Variants in SOX5 observed in about 807,000 individuals in gnomAD.
SOX5 encodes the protein SRY-box transcription factor 5, also known as transcription factor SOX-5.
Under a neutral mutation model 92.0 loss-of-function variants are expected in SOX5, and 9 were observed. That is an observed-to-expected ratio of 0.10 (90% CI 0.06 to 0.17). The LOEUF is 0.17. Among genes scored for constraint, SOX5 ranks in the 10% least tolerant of loss-of-function variants. The pLI is 1.00. For missense variants in SOX5, 642 were observed against 944.5 expected, an observed-to-expected ratio of 0.68 and a Z score of 4.20; for synonymous variants, 344 against 336.3, an observed-to-expected ratio of 1.02 and a Z score of -0.25.
intron 4 of SOX5, among the ~76,000 whole-genome samples, chr12:24,040,822 G>A (rs1478344882): frequency 2.6e-5 from 4 of 152,042 alleles, no homozygotes; most frequent in African/African-American, 7.2e-5. Flanking sequence ...GCAGTGAGCC[G>A]AGATTGCACC....
rs74070938 is a variant in SOX5 at position 24,524,279 on chromosome 12, C to G, written c.-251+38050G>C. On this transcript the variant is annotated intron_variant, in intron 1 of 4. Transcript: ENST00000446891. ...CTCAGGGTCTTCAGCTCAGAGATAG[C>G]CTGTCATGGGACTTCTCATCCTCCA... Among the ~76,000 whole-genome samples the G allele has an allele frequency of 7.4e-3, 1,130 of 152,236 alleles. 20 individuals carry two copies. Among genetic ancestry groups the G allele is most frequent in the African/African-American group, 0.026 (1,078 of 41,532 alleles).
intron 4 of SOX5, among the ~76,000 whole-genome samples, chr12:24,116,005 A>T (rs1346649158): frequency 6.6e-6 from 1 of 152,190 alleles, no homozygotes; most frequent in Non-Finnish European, 1.5e-5. Flanking sequence ...TAATAGCAAT[A>T]TTAATTAAGG....
intron 11 of SOX5, among the ~76,000 whole-genome samples, chr12:23,555,969 C>T (rs940975539): frequency 7.9e-5 from 12 of 152,076 alleles, no homozygotes; most frequent in African/African-American, 2.9e-4. Context: ...ATCAGCCTGT[C>T]GAGAATGTCG....
chr12:23,898,465 A>G (rs2097199187), intron 1 of SOX5, among the ~76,000 whole-genome samples: 1 of 152,200 alleles, frequency 6.6e-6, no homozygotes, highest in East Asian at 1.9e-4. Flanking sequence ...AAGTTAATAC[A>G]ATTCTATGAC....
intron 13 of SOX5, among the ~76,000 whole-genome samples, chr12:23,541,567 A>T (rs1942047709): frequency 6.6e-6 from 1 of 152,212 alleles, no homozygotes; most frequent in Non-Finnish European, 1.5e-5. Context: ...GCTGGTAGAG[A>T]TGTAAAAAAA....
At chr12:24,440,621 TGTGTGTGTGTGTGTGTGTGA>T (rs946824096) in intron 1 of SOX5, among the ~76,000 whole-genome samples, 3 of 149,774 alleles carry the variant, frequency 2.0e-5, no homozygotes, top group Non-Finnish European at 3.0e-5. Flanking sequence ...TGTGTGTGTG[TGTGTGTGTGTGTGTGTGTGA>T]AGAACAGAAG....
chr12:23,857,695 G>T (rs923523701), intron 2 of SOX5, among the ~76,000 whole-genome samples: 4 of 151,766 alleles, frequency 2.6e-5, no homozygotes, highest in Admixed American at 6.6e-5. Context: ...TACACAATGT[G>T]TGATAATCGA....
chr12:23,767,238 A>G (rs971305214), intron 3 of SOX5, among the ~76,000 whole-genome samples: 1 of 141,462 alleles, frequency 7.1e-6, no homozygotes, highest in Non-Finnish European at 1.6e-5. Flanking sequence ...ACACACACAC[A>G]CACACACACA....
intron 7 of SOX5, among the ~76,000 whole-genome samples, chr12:23,642,175 G>T (rs767038830): frequency 3.9e-5 from 6 of 152,126 alleles, no homozygotes; most frequent in Non-Finnish European, 7.3e-5. Flanking sequence ...GTGTGTGTTT[G>T]TGTGCGTGTC....
intron 4 of SOX5, among the ~76,000 whole-genome samples, chr12:23,962,747 T>C (rs1405308984): frequency 1.3e-5 from 2 of 152,230 alleles, no homozygotes; most frequent in African/African-American, 4.8e-5. Context: ...CTGTTGTCCT[T>C]TTCTTCTAGT....
At chr12:24,000,065 A>G (rs1338881255) in intron 4 of SOX5, among the ~76,000 whole-genome samples, 1 of 151,512 alleles carries the variant, frequency 6.6e-6, no homozygotes, top group African/African-American at 2.4e-5. Context: ...GCATATGAAG[A>G]TGTCTTATAC....
At chr12:23,552,097 C>A (rs973149360) in intron 11 of SOX5, among the ~76,000 whole-genome samples, 2 of 151,760 alleles carry the variant, frequency 1.3e-5, no homozygotes, top group Non-Finnish European at 2.9e-5. Context: ...CTGATGAATC[C>A]TTATTAATGA....
At chr12:24,480,905 G>T (rs1945918754) in intron 1 of SOX5, among the ~76,000 whole-genome samples, 1 of 152,090 alleles carries the variant, frequency 6.6e-6, no homozygotes, top group South Asian at 2.1e-4. Flanking sequence ...CCACGGCTGG[G>T]TATGTATCCA....
At chr12:24,053,554 CA>C (rs1223665779) in intron 4 of SOX5, among the ~76,000 whole-genome samples, 1 of 152,002 alleles carries the variant, frequency 6.6e-6, no homozygotes, top group Non-Finnish European at 1.5e-5. Flanking sequence ...TAACTTTGCC[CA>C]AAAAAATTTC....
chr12:24,075,657 T>TA (rs1816755848), intron 4 of SOX5, among the ~76,000 whole-genome samples: 1 of 152,116 alleles, frequency 6.6e-6, no homozygotes, highest in African/African-American at 2.4e-5. Flanking sequence ...CATTTTTTTT[T>TA]TAAAAAAGAC....
At chr12:23,986,225 G>T (rs1950046132) in intron 4 of SOX5, among the ~76,000 whole-genome samples, 1 of 151,890 alleles carries the variant, frequency 6.6e-6, no homozygotes, top group South Asian at 2.1e-4. Context: ...TCTTTAACTG[G>T]CATTGTAAAC....
intron 4 of SOX5, among the ~76,000 whole-genome samples, chr12:24,095,122 CACACACAGAGAGAGAGAG>C (rs1228545856): frequency 1.6e-4 from 15 of 93,898 alleles, no homozygotes; most frequent in Non-Finnish European, 3.3e-4. Flanking sequence ...CACACACACA[CACACACAGAGAGAGAGAG>C]AGAGAGAGAG....
At chr12:23,671,166 G>C (rs1184171160) in intron 6 of SOX5, among the ~76,000 whole-genome samples, 1 of 152,156 alleles carries the variant, frequency 6.6e-6, no homozygotes, top group Non-Finnish European at 1.5e-5. Flanking sequence ...GAGTTTGTAT[G>C]AAATCTCAAA....
chr12:23,588,967 T>A (rs1951138607), intron 9 of SOX5, among the ~76,000 whole-genome samples: 1 of 151,938 alleles, frequency 6.6e-6, no homozygotes, highest in Non-Finnish European at 1.5e-5. Context: ...CTAGAAGTAA[T>A]AGGCTGTATC....
Sources: gnomAD v4.1 joint callset for allele counts (sites outside exome capture counted in the v4.1 genomes callset) on GRCh38, gnomAD v4.1.1 for gene constraint, MANE v1.5 for transcripts, NCBI Gene and HGNC (gene_info 2026-07-23, HGNC 2026-07-21) for gene names.